AUP1: variants seen among roughly 807,000 people sequenced by gnomAD.
AUP1 encodes the protein AUP1 lipid droplet regulating VLDL assembly factor, also known as lipid droplet-regulating VLDL assembly factor AUP1.
AUP1 carries 30 observed loss-of-function variants against 51.8 expected under a neutral mutation model. That is an observed-to-expected ratio of 0.58 (90% confidence interval 0.43 to 0.79). AUP1 has a LOEUF of 0.79. AUP1 is among the 30% of genes least tolerant of loss of function. AUP1 has a pLI of 0.00. For missense variants in AUP1, 492 were observed against 517.1 expected, an observed-to-expected ratio of 0.95 and a Z score of 0.47; for synonymous variants, 227 against 209.0, an observed-to-expected ratio of 1.09 and a Z score of -0.74.
chr2:74,529,692 G>A lies in AUP1; in HGVS notation c.-63C>T. On this transcript the variant is annotated 5_prime_UTR_variant, in exon 1 of 12. Coordinates refer to ENST00000377526, the MANE Select transcript of AUP1 (RefSeq NM_181575.5). Reference sequence around the variant, plus strand: ...CGCCATTTTCGCGCCCGGCCGCAGGGGCTCTTGGGAAGGCGGAGTCTTTGG... The same window carrying A: ...CGCCATTTTCGCGCCCGGCCGCAGGAGCTCTTGGGAAGGCGGAGTCTTTGG... The A allele has an allele frequency of 2.6e-6, 4 of 1,538,774 alleles. No individual in the cohort carries two copies. The highest frequency in any genetic ancestry group is 3.5e-6 in the Non-Finnish European group (4 of 1,146,302).
In AUP1 at chr2:74,526,830, G is replaced by A. The variant is rs751138806; in HGVS notation, c.1203C>T (p.Phe401=). 1.3e-6 allele frequency: 2 copies of A among 1,559,912 alleles called. No homozygotes were observed. Among genetic ancestry groups the A allele is most frequent in the Non-Finnish European group, 1.7e-6 (2 of 1,150,682 alleles). The change falls in exon 12 of 12, where the codon TTC becomes TTT. Residue 401 remains phenylalanine (F), a synonymous_variant. Coordinates refer to ENST00000377526, the MANE Select transcript of AUP1 (RefSeq NM_181575.5). ...QALYEYARRR[F]TERRAQEAD is the part of the protein sequence containing the mutation. ...CAGCCTCCTGGGCTCGTCTCTCTGT[G>A]AATCTCCTGTGGGACATAGGGAGAG... is the stretch of plus-strand genomic sequence containing the variant.
In AUP1 at chr2:74,527,922, G is replaced by T; in HGVS notation, c.738+18C>A. 1.2e-6 allele frequency: 2 copies of T among 1,614,114 alleles called. No individual in the cohort carries two copies. Among genetic ancestry groups the T allele is most frequent in the South Asian group, 2.2e-5 (2 of 91,090 alleles). On this transcript the variant is annotated intron_variant, in intron 7 of 11. Transcript: ENST00000377526. Reference sequence around the variant, plus strand: ...TAAGCAGGGACCCCGCCTCCACCCTGTCTGTGCACCCGACCACCTGTTGTA... The same window carrying T: ...TAAGCAGGGACCCCGCCTCCACCCTTTCTGTGCACCCGACCACCTGTTGTA...
At position 74,529,460 on chromosome 2, in the gene AUP1, G is replaced by A; in HGVS notation, c.90C>T (p.Leu30=). ...GGAGGCAGAACCCGACTGGCGCGTAGAGCAGCAGCACGAGCAGTAGGAAGC... is the reference window on the plus strand; with the variant it reads ...GGAGGCAGAACCCGACTGGCGCGTAAAGCAGCAGCACGAGCAGTAGGAAGC... ...GDCFLLLVLL[L]YAPVGFCLLV... The change falls in exon 2 of 12, where the codon CTC becomes CTT. Residue 30 remains leucine (L), a synonymous_variant. Transcript: ENST00000377526. 6.4e-7 allele frequency: 1 copy of A among 1,563,960 alleles called. No homozygotes were observed. Among genetic ancestry groups the A allele is most frequent in the South Asian group, 1.2e-5 (1 of 85,668 alleles).
intron 1 of AUP1, 26 bp from the exon 2 acceptor site, chr2:74,529,525 G>C (rs1361671442): frequency 6.5e-7 from 1 of 1,548,502 alleles, no homozygotes; most frequent in Non-Finnish European, 8.8e-7. Context: ...GAAGTGGTCA[G>C]GCGCCGAAGG....
intron 6 of AUP1, 86 bp downstream of exon 6, chr2:74,528,162 T>C (rs2104354043): frequency 6.7e-7 from 1 of 1,500,652 alleles, no homozygotes; most frequent in Non-Finnish European, 9.3e-7. Flanking sequence ...TATAAAGATC[T>C]ACAAATGGAC....
In AUP1 at chr2:74,528,949, G is replaced by A. The variant is rs1675351302; in HGVS notation, c.340-14C>T. ...ATTGAGTAGAGGCTGGGAACCAGGAGAAGAGAAAGCAAGAAGAAAAATATT... is the reference window on the plus strand; with the variant it reads ...ATTGAGTAGAGGCTGGGAACCAGGAAAAGAGAAAGCAAGAAGAAAAATATT... On this transcript the variant is annotated splice_polypyrimidine_tract_variant and intron_variant, in intron 3 of 11. Coordinates refer to ENST00000377526, the MANE Select transcript of AUP1 (RefSeq NM_181575.5). 8 of 1,612,872 alleles carry A rather than the reference G, an allele frequency of 5.0e-6. No individual in the cohort carries two copies. The highest frequency in any genetic ancestry group is 6.8e-6 in the Non-Finnish European group (8 of 1,179,564).
Position 74,529,351 on chromosome 2 carries a change from C to A in AUP1, c.188+11G>T. On this transcript the variant is annotated intron_variant, in intron 2 of 11. Transcript: ENST00000377526. ...CCAGCTCTGACACTCCCCGAACGCC[C>A]GCGTCGGAACCTGCGAAGGACGCTG... 6.2e-7 allele frequency: 1 copy of A among 1,612,498 alleles called. No homozygotes were observed. The highest frequency in any genetic ancestry group is 8.5e-7 in the Non-Finnish European group (1 of 1,179,318).
chr2:74,528,809 G>C lies in AUP1; in HGVS notation c.466C>G (p.Leu156Val). The C allele has an allele frequency of 1.9e-6, 3 of 1,614,098 alleles. No homozygotes were observed. The highest frequency in any genetic ancestry group is 2.5e-6 in the Non-Finnish European group (3 of 1,179,994). ...CASTRLPPTP[L>V]LLFPEEEATN... ...GCCTCTTCCTCAGGGAATAGCAGCA[G>C]AGGAGTGGGGGGAAGCCTCGTGGAA... Residue 156 changes from leucine to valine, a missense_variant, in exon 4 of 12, where the codon CTG (leucine) becomes GTG (valine). By Grantham distance (32) the Leu-to-Val change is conservative (BLOSUM62 1). Transcript: ENST00000377526.
rs771616179 is a variant in AUP1 at position 74,527,268 on chromosome 2, G to A, written c.1057C>T (p.Pro353Ser). 1.9e-6 allele frequency: 3 copies of A among 1,613,938 alleles called. No homozygotes were observed. In the East Asian group the frequency reaches 6.7e-5, roughly 36 times the overall value. The change falls in exon 10 of 12, where the codon CCC (proline) becomes TCC (serine). Residue 353 changes from proline to serine, a missense_variant. Pro to Ser is a moderately conservative substitution (Grantham distance 74). Transcript: ENST00000377526. ...CTCACCTTGGAGGCAGAGGCTGTGG[G>A]TAGGGACTGAGTTCCCTTGGTGATG... is the stretch of plus-strand genomic sequence containing the variant. ...EDITKGTQSL[P>S]TASASKFPSS...
At position 74,529,647 on chromosome 2, in the gene AUP1, C is replaced by T. The variant is rs1268876866; in HGVS notation, c.-18G>A. On this transcript the variant is annotated 5_prime_UTR_variant, in exon 1 of 12. Coordinates refer to ENST00000377526, the MANE Select transcript of AUP1 (RefSeq NM_181575.5). ...AGCTCCATAACTGCTGCTTCAGGAGCGCCCGGCCGTCGCCGCCGCCGCCAT... is the reference window on the plus strand; with the variant it reads ...AGCTCCATAACTGCTGCTTCAGGAGTGCCCGGCCGTCGCCGCCGCCGCCAT... The T allele has an allele frequency of 6.4e-7, 1 of 1,552,116 alleles. No individual in the cohort carries two copies.
Position 74,527,931 on chromosome 2 carries a change from C to T in AUP1, c.738+9G>A. On this transcript the variant is annotated intron_variant, in intron 7 of 11. Coordinates refer to ENST00000377526, the MANE Select transcript of AUP1 (RefSeq NM_181575.5). ...ACCCCGCCTCCACCCTGTCTGTGCA[C>T]CCGACCACCTGTTGTACACGGAGTG... 2 of 1,614,164 alleles carry T rather than the reference C, an allele frequency of 1.2e-6. No homozygotes were observed. Among genetic ancestry groups the T allele is most frequent in the Non-Finnish European group, 8.5e-7 (1 of 1,180,024 alleles).
Position 74,527,933 on chromosome 2 carries a change from C to T in AUP1, c.738+7G>A, listed in dbSNP as rs1005850181. On this transcript the variant is annotated splice_region_variant and intron_variant, in intron 7 of 11. Coordinates refer to ENST00000377526, the MANE Select transcript of AUP1 (RefSeq NM_181575.5). ...CCCGCCTCCACCCTGTCTGTGCACC[C>T]GACCACCTGTTGTACACGGAGTGCA... 25 of 1,613,998 alleles carry T rather than the reference C, an allele frequency of 1.5e-5. No homozygotes were observed. The highest frequency in any genetic ancestry group is 1.3e-4 in the Admixed American group (8 of 59,994).
intron 6 of AUP1, 29 bp from the exon 7 acceptor site, chr2:74,528,035 G>T (rs747142329): frequency 6.2e-7 from 1 of 1,613,512 alleles, no homozygotes; most frequent in Non-Finnish European, 8.5e-7. Flanking sequence ...GGGCTATGTT[G>T]TGGGCACCCA....
At chr2:74,528,199 C>G in intron 6 of AUP1, 49 bp downstream of exon 6, 7 of 1,570,374 alleles carry the variant, frequency 4.5e-6, no homozygotes, top group Non-Finnish European at 6.1e-6. Context: ...ATTCCTTGAC[C>G]TTGAGGTGAG....
In AUP1 at chr2:74,526,819, C is replaced by G; in HGVS notation, c.1214G>C (p.Arg405Pro). The G allele has an allele frequency of 3.2e-6, 5 of 1,550,736 alleles. No homozygotes were observed. Among genetic ancestry groups the G allele is most frequent in the Non-Finnish European group, 4.4e-6 (5 of 1,146,678 alleles). The change falls in exon 12 of 12, where the codon CGA becomes CCA. Residue 405 changes from arginine to proline, a missense_variant. By Grantham distance (103) the Arg-to-Pro change is moderately radical (BLOSUM62 -2). Transcript: ENST00000377526. Reference protein sequence around the residue: ...EYARRRFTERRAQEAD With the variant: ...EYARRRFTERPAQEAD ...TTGAGCTCAGTCAGCCTCCTGGGCT[C>G]GTCTCTCTGTGAATCTCCTGTGGGA...
chr2:74,526,908 C>A, intron 11 of AUP1, 33 bp downstream of exon 11: 1 of 1,609,406 alleles, frequency 6.2e-7, no homozygotes, highest in Non-Finnish European at 8.5e-7. Context: ...TCCAATTTGC[C>A]ACATCCTATT....
intron 3 of AUP1, 39 bp from the exon 4 acceptor site, chr2:74,528,974 T>C (rs1675354080): frequency 6.3e-7 from 1 of 1,589,566 alleles, no homozygotes; most frequent in Non-Finnish European, 8.5e-7. Context: ...AGAAAAATAT[T>C]GAGGAAAATG....
rs749197575 is a variant in AUP1 at position 74,529,633 on chromosome 2, T to G, written c.-4A>C. 7 of 1,564,104 alleles carry G rather than the reference T, an allele frequency of 4.5e-6. No individual in the cohort carries two copies. In the East Asian group the frequency reaches 1.6e-4, roughly 37 times the overall value. On this transcript the variant is annotated 5_prime_UTR_variant, in exon 1 of 12. Transcript: ENST00000377526. ...CCGGCCCTGAGGGAAGCTCCATAAC[T>G]GCTGCTTCAGGAGCGCCCGGCCGTC...
chr2:74,528,378 C>T (rs976816102), intron 5 of AUP1, 39 bp downstream of exon 5: 26 of 1,611,952 alleles, frequency 1.6e-5, no homozygotes, highest in African/African-American at 9.3e-5. Context: ...GAAATTTCCC[C>T]TTCAAGCCCC....
Sources: allele counts gnomAD v4.1 joint callset, GRCh38; gene constraint gnomAD v4.1.1; transcripts MANE v1.5; gene names NCBI Gene and HGNC (gene_info 2026-07-23, HGNC 2026-07-21).